KLHL12: variants seen among roughly 807,000 people sequenced by gnomAD.
The protein encoded by KLHL12 is kelch-like protein 12.
KLHL12 carries 17 observed loss-of-function variants against 60.8 expected under a neutral mutation model. That is an observed-to-expected ratio of 0.28 (90% CI 0.19 to 0.42). KLHL12 has a LOEUF of 0.42. Ranked by LOEUF, KLHL12 falls within the 10% of genes least tolerant of loss-of-function variation. The probability of loss-of-function intolerance (pLI) is 1.00; values close to 1 mark genes in which losing one functional copy is unlikely to be tolerated. For missense variants in KLHL12, 468 were observed against 722.3 expected, an observed-to-expected ratio of 0.65 and a Z score of 4.04; for synonymous variants, 220 against 250.9, an observed-to-expected ratio of 0.88 and a Z score of 1.16.
chr1:202,894,362 C>A, intron 9 of KLHL12, 80 bp from the exon 10 acceptor site: 1 of 987,956 alleles, frequency 1.0e-6, no homozygotes, highest in Non-Finnish European at 1.5e-6. Context: ...AGTGCTTCAA[C>A]TAATTATTTT....
At chr1:202,924,284 C>T (rs1004345313) in intron 2 of KLHL12, among the ~76,000 whole-genome samples, 3 of 152,194 alleles carry the variant, frequency 2.0e-5, no homozygotes, top group Admixed American at 6.5e-5. Context: ...ATACACTCAA[C>T]GCCTGTACAG....
Position 202,892,701 on chromosome 1 carries a change from G to A in KLHL12, c.1581-42C>T, listed in dbSNP as rs375473818. On this transcript the variant is annotated intron_variant, in intron 11 of 11. Transcript: ENST00000367261. ...CAAAAGAAAGAAATGAGTCAGCTGC[G>A]TGCAGTGGCACGTGCCTGTAATCCC... The A allele has an allele frequency of 3.1e-3, 4,927 of 1,603,674 alleles. 17 individuals are homozygous for A. Among genetic ancestry groups the A allele is most frequent in the Non-Finnish European group, 4.0e-3 (4,700 of 1,173,302 alleles).
Position 202,894,634 on chromosome 1 carries a change from T to A in KLHL12, c.1251A>T (p.Glu417Asp). Residue 417 changes from glutamate to aspartate, a missense_variant, in exon 9 of 12, where the codon GAA (glutamate) becomes GAT (aspartate). By Grantham distance (45) the Glu-to-Asp change is conservative. This residue lies in a region of KLHL12 where 339 missense variants were observed against 525.0 expected (regional missense o/e 0.65). Coordinates refer to ENST00000367261, the MANE Select transcript of KLHL12 (RefSeq NM_021633.4). ...SMLGDMQTAR[E>D]GAGLVVASGV... Reference sequence around the variant, plus strand: ...CACTGGCCACTACGAGTCCGGCACCTTCCCGGGCTGTCTGCATATCTCCCA... The same window carrying A: ...CACTGGCCACTACGAGTCCGGCACCATCCCGGGCTGTCTGCATATCTCCCA... The A allele has an allele frequency of 6.2e-7, 1 of 1,614,140 alleles. No individual in the cohort carries two copies. Among genetic ancestry groups the A allele is most frequent in the Non-Finnish European group, 8.5e-7 (1 of 1,180,016 alleles).
At chr1:202,911,518 G>A (rs1660359273) in intron 4 of KLHL12, among the ~76,000 whole-genome samples, 1 of 150,932 alleles carries the variant, frequency 6.6e-6, no homozygotes, top group African/African-American at 2.4e-5. Context: ...GTCACGTATT[G>A]GCCTTCGTTT....
At chr1:202,926,329 G>T (rs1653552684) in intron 1 of KLHL12, among the ~76,000 whole-genome samples, 1 of 152,006 alleles carries the variant, frequency 6.6e-6, no homozygotes, top group South Asian at 2.1e-4. Flanking sequence ...ATCAAACTGT[G>T]GTCTCCAAAA....
intron 4 of KLHL12, among the ~76,000 whole-genome samples, chr1:202,913,382 A>G (rs1162060470): frequency 6.6e-6 from 1 of 152,174 alleles, no homozygotes; most frequent in Non-Finnish European, 1.5e-5. Context: ...GAATAGATAA[A>G]AAAAACTTTT....
chr1:202,920,187 G>A lies in KLHL12; in HGVS notation c.196-279C>T, dbSNP rs574502509. On this transcript the variant is annotated intron_variant, in intron 2 of 11. Transcript: ENST00000367261. Reference sequence around the variant, plus strand: ...AAATTAGTTGGGCATGGTGGCACATGCCTGTAGTCCCAGCTACTCAGGAGG... The same window carrying A: ...AAATTAGTTGGGCATGGTGGCACATACCTGTAGTCCCAGCTACTCAGGAGG... Among the ~76,000 whole-genome samples the A allele has an allele frequency of 2.4e-4, 37 of 151,848 alleles. No homozygotes were observed. The South Asian group carries it at 7.3e-3, about 30-fold the overall frequency.
chr1:202,928,005 C>A (rs1366323208), upstream of KLHL12, among the ~76,000 whole-genome samples: 1 of 134,392 alleles, frequency 7.4e-6, no homozygotes, highest in East Asian at 2.2e-4. Flanking sequence ...AAAGGCCAGG[C>A]GAGGTGGCTC....
upstream of KLHL12, chr1:202,927,378 C>T (rs950924350): frequency 4.7e-6 from 3 of 642,524 alleles, no homozygotes; most frequent in African/African-American, 4.0e-5. Flanking sequence ...TGCTAGGAAG[C>T]CGAATTACAA....
In KLHL12 at chr1:202,923,285, C is replaced by G. The variant is rs1660753943; in HGVS notation, c.195+1683G>C. Among the ~76,000 whole-genome samples, 5 of 152,340 alleles carry G rather than the reference C, an allele frequency of 3.3e-5. No homozygotes were observed. In the South Asian group the frequency reaches 1.0e-3, roughly 32 times the overall value. Reference sequence around the variant, plus strand: ...TAATTAGCAATCAGCCGTTCTAGTTCATTTCTTGCTCAGCAGCTGCTGGGT... The same window carrying G: ...TAATTAGCAATCAGCCGTTCTAGTTGATTTCTTGCTCAGCAGCTGCTGGGT... On this transcript the variant is annotated intron_variant, in intron 2 of 11. Transcript: ENST00000367261.
intron 10 of KLHL12, 106 bp downstream of exon 10, chr1:202,894,078 G>C: frequency 1.6e-6 from 1 of 626,644 alleles, no homozygotes; most frequent in Non-Finnish European, 2.8e-6. Flanking sequence ...GAGGAGAGCA[G>C]AATCTCATTT....
intron 6 of KLHL12, among the ~76,000 whole-genome samples, chr1:202,903,129 T>C (rs1366519624): frequency 1.6e-5 from 2 of 124,316 alleles, no homozygotes; most frequent in Non-Finnish European, 3.1e-5. Flanking sequence ...CACTGCACTC[T>C]AGCCTAGGAG....
In KLHL12 at chr1:202,919,849, T is replaced by G; in HGVS notation, c.255A>C (p.Glu85Asp). The change falls in exon 3 of 12, where the codon GAA becomes GAC. Residue 85 changes from glutamate to aspartate, a missense_variant. Physicochemically the swap from Glu to Asp is conservative, Grantham distance 45. Transcript: ENST00000367261. ...DIQGLTASTM[E>D]ILLDFVYTET... ...CTGTGTACACAAAGTCCAATAAAATTTCCATGGTAGAGGCAGTCAAACCTT... is the reference window on the plus strand; with the variant it reads ...CTGTGTACACAAAGTCCAATAAAATGTCCATGGTAGAGGCAGTCAAACCTT... The G allele has an allele frequency of 6.2e-7, 1 of 1,613,956 alleles. No individual in the cohort carries two copies. The highest frequency in any genetic ancestry group is 8.5e-7 in the Non-Finnish European group (1 of 1,179,886).
At chr1:202,911,022 G>C (rs774099680) in intron 5 of KLHL12, 32 bp downstream of exon 5, 48 of 1,610,572 alleles carry the variant, frequency 3.0e-5, no homozygotes, top group Non-Finnish European at 3.6e-5. Flanking sequence ...GTCCGTCAAG[G>C]TTTTGGATCC....
chr1:202,927,175 G>A lies in KLHL12; in HGVS notation c.-132C>T, dbSNP rs1049743332. On this transcript the variant is annotated 5_prime_UTR_variant, in exon 1 of 12. Transcript: ENST00000367261. ...GGCGCGGGGCTAGCAGGCGGCTCGG[G>A]AGGAGCCGAAGCGCCGCCCAGACCC... 2.8e-5 allele frequency: 28 copies of A among 985,206 alleles called. No homozygotes were observed. The highest frequency in any genetic ancestry group is 5.2e-4 in the Middle Eastern group (1 of 1,936). The allele number at this position is 985,206 out of a possible 1,614,324, so 61.0% of individuals were successfully genotyped here.
Position 202,895,691 on chromosome 1 carries a change from C to T in KLHL12, c.966G>A (p.Val322=). The stretch of plus-strand genomic sequence containing the variant: ...TCCGGTCATGAAGGGACACTGAGGC[C>T]ACATAACGTCTCTTACGAGTGATGC... The part of the protein sequence containing the change: ...LPSITRKRRY[V]ASVSLHDRIY... The change falls in exon 8 of 12, where the codon GTG becomes GTA. Residue 322 remains valine, a synonymous_variant. Transcript: ENST00000367261. This position sits in a 1 kb window ranked among gnomAD's most constrained non-coding sequence, Gnocchi z 4.2. The T allele has an allele frequency of 1.2e-6, 2 of 1,614,074 alleles. No homozygotes were observed. Among genetic ancestry groups the T allele is most frequent in the Non-Finnish European group, 1.7e-6 (2 of 1,179,954 alleles).
chr1:202,912,325 A>C, intron 4 of KLHL12: 1 of 799,138 alleles, frequency 1.3e-6, no homozygotes, highest in Admixed American at 1.7e-5. Flanking sequence ...CATCCTACGA[A>C]TGGCCATAAC....
chr1:202,912,493 T>C, intron 4 of KLHL12: 1 of 942,142 alleles, frequency 1.1e-6, no homozygotes, highest in Non-Finnish European at 1.7e-6. Context: ...GCAGTGAGGA[T>C]GGCGATAATG....
At position 202,919,398 on chromosome 1, in the gene KLHL12, T is replaced by TA. The variant is rs537458343; in HGVS notation, c.349+356dup. On this transcript the variant is annotated intron_variant, in intron 3 of 11. Transcript: ENST00000367261. ...TACTACCACTTAATGGCCAGATAGA[T>TA]AAAGAGTATCCATGTAGGCTATGTA... Among the ~76,000 whole-genome samples the TA allele has an allele frequency of 1.6e-4, 25 of 152,348 alleles. No individual in the cohort carries two copies. In the South Asian group the frequency reaches 5.2e-3, roughly 32 times the overall value.
Sources: allele counts gnomAD v4.1 joint callset (sites outside exome capture counted in the v4.1 genomes callset), GRCh38; gene constraint gnomAD v4.1.1; regional missense constraint gnomAD v4.1.1; non-coding constraint Gnocchi (gnomAD v3.1); transcripts MANE v1.5; gene names NCBI Gene and HGNC (gene_info 2026-07-23, HGNC 2026-07-21).